The following CAMKMT variants were observed in gnomAD, a reference collection of about 807,000 sequenced individuals.
The protein encoded by CAMKMT is calmodulin-lysine N-methyltransferase, also known as CaM KMT.
CAMKMT carries 53 observed loss-of-function variants against 48.0 expected under a neutral mutation model. That is an observed-to-expected ratio of 1.10 (90% CI 0.89 to 1.39). The LOEUF (loss-of-function observed/expected upper bound fraction) is 1.39, where lower values mean the gene tolerates loss of function less well. Among genes scored for constraint, CAMKMT ranks in the 40% most tolerant of loss-of-function variants. CAMKMT has a pLI of 0.00. For missense variants in CAMKMT, 428 were observed against 402.7 expected, an observed-to-expected ratio of 1.06 and a Z score of -0.54; for synonymous variants, 165 against 152.3, an observed-to-expected ratio of 1.08 and a Z score of -0.61.
At position 44,386,866 on chromosome 2, in the gene CAMKMT, A is replaced by G. The variant is rs1680827497; in HGVS notation, c.312-3375A>G. 3.9e-5 allele frequency among the ~76,000 whole-genome samples: 6 copies of G among 152,004 alleles called. No individual in the cohort carries two copies. In the South Asian group the frequency reaches 1.0e-3, roughly 26 times the overall value. On this transcript the variant is annotated intron_variant, in intron 2 of 10. Transcript: ENST00000378494. The stretch of plus-strand genomic sequence containing the variant: ...AGTTGATTTCCACTTTTATTCCACC[A>G]TGGTCTGAGAGGGTGCTTGATATAA...
chr2:44,521,779 C>G (rs1038903226), intron 3 of CAMKMT, among the ~76,000 whole-genome samples: 1 of 152,146 alleles, frequency 6.6e-6, no homozygotes, highest in Admixed American at 6.5e-5. Flanking sequence ...CCCTTGAACT[C>G]AGGAATTTGA....
intron 3 of CAMKMT, chr2:44,393,374 G>C (rs143839051): frequency 3.4e-4 from 52 of 152,224 alleles, no homozygotes; most frequent in African/African-American, 1.3e-3. Context: ...GAATGTTGTG[G>C]GAAGAAATTA....
In CAMKMT at chr2:44,567,311, C is replaced by T. The variant is rs140985450; in HGVS notation, c.377-136972C>T. On this transcript the variant is annotated intron_variant, in intron 3 of 10. Transcript: ENST00000378494. ...ATGCAACCCGACCATCAGTCAGTGG[C>T]GTATTAAAATGCTCTCCACAGGACC... Among the ~76,000 whole-genome samples the T allele has an allele frequency of 3.3e-3, 498 of 152,198 alleles. 3 individuals carry two copies. The highest frequency in any genetic ancestry group is 0.016 in the South Asian group (77 of 4,822).
intron 8 of CAMKMT, among the ~76,000 whole-genome samples, chr2:44,748,688 C>T (rs201806081): frequency 2.0e-5 from 3 of 151,710 alleles, no homozygotes; most frequent in East Asian, 1.9e-4. Flanking sequence ...CTGGCTAACA[C>T]GGTGAAACCC....
chr2:44,666,612 CTTTT>C (rs1293884982), intron 3 of CAMKMT, among the ~76,000 whole-genome samples: 17 of 133,962 alleles, frequency 1.3e-4, no homozygotes, highest in African/African-American at 5.0e-4. Context: ...CTCCTGGAAT[CTTTT>C]TTTTTTTTTT....
chr2:44,549,967 A>G (rs1464735460), intron 3 of CAMKMT, among the ~76,000 whole-genome samples: 2 of 152,198 alleles, frequency 1.3e-5, no homozygotes, highest in Non-Finnish European at 2.9e-5. Flanking sequence ...ACCTGCCTGA[A>G]TTGAAAGTCA....
chr2:44,761,407 G>C (rs1053552223), intron 9 of CAMKMT, among the ~76,000 whole-genome samples: 1 of 152,198 alleles, frequency 6.6e-6, no homozygotes, highest in Non-Finnish European at 1.5e-5. Context: ...GTGGGGCTTT[G>C]CCTGCCATAC....
At chr2:44,468,859 G>A (rs1174330913) in intron 3 of CAMKMT, among the ~76,000 whole-genome samples, 1 of 152,086 alleles carries the variant, frequency 6.6e-6, no homozygotes, top group East Asian at 1.9e-4. Context: ...TTGAGGCTGT[G>A]GTGAGCCATG....
At chr2:44,416,765 G>C (rs1171812160) in intron 3 of CAMKMT, among the ~76,000 whole-genome samples, 2 of 151,436 alleles carry the variant, frequency 1.3e-5, no homozygotes, top group African/African-American at 4.9e-5. Flanking sequence ...AGTAGGGACA[G>C]GGTTTCACTA....
At chr2:44,712,099 A>G (rs1189832816) in intron 6 of CAMKMT, among the ~76,000 whole-genome samples, 1 of 152,158 alleles carries the variant, frequency 6.6e-6, no homozygotes, top group African/African-American at 2.4e-5. Context: ...CTCAATTCAT[A>G]TGAGTAATAA....
At chr2:44,664,495 G>A (rs1008735694) in intron 3 of CAMKMT, among the ~76,000 whole-genome samples, 1 of 152,258 alleles carries the variant, frequency 6.6e-6, no homozygotes, top group African/African-American at 2.4e-5. Context: ...AGACATGTTC[G>A]GTAATCAGTG....
chr2:44,372,799 A>G lies in CAMKMT; in HGVS notation c.222A>G (p.Thr74=), dbSNP rs61744230. 1.3e-4 allele frequency: 208 copies of G among 1,614,030 alleles called. No individual in the cohort carries two copies. In the African/African-American group the frequency reaches 2.4e-3, roughly 19 times the overall value. ...RFESFNLFSV[T]EGKERETEEE... is the part of the protein sequence containing the mutation. ...AATCATTTAATCTGTTTTCAGTAAC[A>G]GAAGGCAAAGAAAGGGAAACTGAAG... Residue 74 remains threonine, a synonymous_variant, in exon 2 of 11, where the codon ACA becomes ACG. Transcript: ENST00000378494.
At chr2:44,626,181 G>C (rs1672471893) in intron 3 of CAMKMT, among the ~76,000 whole-genome samples, 1 of 152,054 alleles carries the variant, frequency 6.6e-6, no homozygotes, top group African/African-American at 2.4e-5. Context: ...ATTTATTTAG[G>C]TCTTCTTTAA....
intron 3 of CAMKMT, among the ~76,000 whole-genome samples, chr2:44,510,047 A>G (rs1035373781): frequency 2.0e-5 from 3 of 152,362 alleles, no homozygotes; most frequent in South Asian, 4.1e-4. Flanking sequence ...GAATGTTAAC[A>G]TCTTACATTA....
At chr2:44,422,359 C>T (rs771083790) in intron 3 of CAMKMT, among the ~76,000 whole-genome samples, 1 of 152,148 alleles carries the variant, frequency 6.6e-6, no homozygotes, top group Non-Finnish European at 1.5e-5. Context: ...CAAGAATGGA[C>T]TAGCACATTA....
intron 3 of CAMKMT, among the ~76,000 whole-genome samples, chr2:44,672,201 G>T (rs1558785691): frequency 6.6e-6 from 1 of 152,146 alleles, no homozygotes; most frequent in Non-Finnish European, 1.5e-5. Flanking sequence ...CTCTTTGGAT[G>T]TATAATGGGG....
chr2:44,537,167 C>G (rs2104843196), intron 3 of CAMKMT, among the ~76,000 whole-genome samples: 1 of 152,088 alleles, frequency 6.6e-6, no homozygotes, highest in East Asian at 1.9e-4. Context: ...ACAAATGGGA[C>G]AATATTAAAC....
intron 3 of CAMKMT, among the ~76,000 whole-genome samples, chr2:44,401,712 T>A (rs2104448295): frequency 6.6e-6 from 1 of 152,318 alleles, no homozygotes; most frequent in Non-Finnish European, 1.5e-5. Flanking sequence ...GACATGATTT[T>A]ATTTGTACAT....
intron 3 of CAMKMT, among the ~76,000 whole-genome samples, chr2:44,468,830 G>A (rs946256202): frequency 6.6e-6 from 1 of 152,104 alleles, no homozygotes; most frequent in Non-Finnish European, 1.5e-5. Flanking sequence ...GAGGTGGGAG[G>A]ATTGCTTGAG....
Sources: gnomAD v4.1 joint callset for allele counts (sites outside exome capture counted in the v4.1 genomes callset) on GRCh38, gnomAD v4.1.1 for gene constraint, MANE v1.5 for transcripts, NCBI Gene and HGNC (gene_info 2026-07-23, HGNC 2026-07-21) for gene names.